Variants in MAGI2 observed in about 807,000 individuals in gnomAD.
MAGI2 encodes the protein membrane associated guanylate kinase, WW and PDZ domain containing 2.
Under a neutral mutation model 133.3 loss-of-function variants are expected in MAGI2, and 35 were observed. The observed-to-expected ratio is 0.26, with a 90% confidence interval of 0.20 to 0.35. The LOEUF is 0.35. MAGI2 is among the 10% of genes least tolerant of loss of function. The pLI is 1.00. For missense variants in MAGI2, 1,636 were observed against 1,863.4 expected (o/e 0.88, Z 2.25); for synonymous variants, 729 against 710.6 (o/e 1.03, Z -0.41).
chr7:78,832,784 C>A (rs367725796), intron 2 of MAGI2, among the ~76,000 whole-genome samples: 1 of 152,150 alleles, frequency 6.6e-6, no homozygotes, highest in African/African-American at 2.4e-5. Context: ...ACTGCCAGAA[C>A]GAGCCAACAG....
chr7:78,629,618 T>TA (rs372968803), intron 2 of MAGI2, among the ~76,000 whole-genome samples: 48 of 152,106 alleles, frequency 3.2e-4, no homozygotes, highest in African/African-American at 8.7e-4. Flanking sequence ...GCAGTTGCTA[T>TA]AAAAAAACAA....
At chr7:78,149,778 GT>G (rs1321696096) in intron 16 of MAGI2, among the ~76,000 whole-genome samples, 2 of 152,126 alleles carry the variant, frequency 1.3e-5, no homozygotes. Flanking sequence ...ATAACAGAAG[GT>G]TTTAGGCACT....
At chr7:78,274,408 A>G (rs1259087875) in intron 9 of MAGI2, among the ~76,000 whole-genome samples, 3 of 152,176 alleles carry the variant, frequency 2.0e-5, no homozygotes, top group African/African-American at 7.2e-5. Flanking sequence ...GTCAGGATAC[A>G]CAGGGGTCAG....
At chr7:78,364,771 A>C (rs1040228340) in intron 7 of MAGI2, among the ~76,000 whole-genome samples, 9 of 152,344 alleles carry the variant, frequency 5.9e-5, no homozygotes, top group Admixed American at 3.9e-4. Context: ...AGAGAGAACC[A>C]CATTTGTACA....
At chr7:78,901,432 T>C (rs1164243543) in intron 2 of MAGI2, 1 of 152,216 alleles carries the variant, frequency 6.6e-6, no homozygotes, top group African/African-American at 2.4e-5. Flanking sequence ...GCTAAGAAGT[T>C]TGGAAATAGA....
intron 2 of MAGI2, among the ~76,000 whole-genome samples, chr7:78,876,424 A>G (rs1161557489): frequency 1.3e-5 from 2 of 152,090 alleles, no homozygotes; most frequent in Non-Finnish European, 2.9e-5. Context: ...AGACAAAATA[A>G]TCATTTGAGA....
At chr7:78,940,323 A>G (rs778321451) in intron 2 of MAGI2, 11 of 152,212 alleles carry the variant, frequency 7.2e-5, no homozygotes, top group Admixed American at 1.3e-4. Flanking sequence ...TCATGGATTA[A>G]AAAATACACA....
rs10526268 is a variant in MAGI2 at position 78,903,172 on chromosome 7, C to CT, written c.418+103917dup. 9.4e-3 allele frequency among the ~76,000 whole-genome samples: 527 copies of CT among 56,120 alleles called. 158 individuals are homozygous for CT. The highest frequency in any genetic ancestry group is 0.023 in the East Asian group (34 of 1,452). The allele number at this position is 56,120 out of a possible 152,430, so 36.8% of individuals were successfully genotyped here. On this transcript the variant is annotated intron_variant, in intron 2 of 21. Transcript: ENST00000354212. Reference sequence around the variant, plus strand: ...TTCATGCAAGTGGGAGTTCCTGAATCTTTTTTTTTTTTTTTTTTTTTTTTT... The same window carrying CT: ...TTCATGCAAGTGGGAGTTCCTGAATCTTTTTTTTTTTTTTTTTTTTTTTTTT...
At chr7:79,245,889 G>T (rs112761119) in intron 1 of MAGI2, among the ~76,000 whole-genome samples, 5,618 of 152,160 alleles carry the variant, frequency 0.037, 162 homozygotes, top group African/African-American at 0.072. Context: ...GAGGAGTGCT[G>T]GAGTCACCCT....
chr7:78,516,797 G>T (rs1796081041), intron 4 of MAGI2, among the ~76,000 whole-genome samples: 1 of 152,196 alleles, frequency 6.6e-6, no homozygotes, highest in African/African-American at 2.4e-5. Flanking sequence ...ATGGTGCAGT[G>T]ATATTTCGAA....
chr7:78,573,345 T>G (rs192580876), intron 3 of MAGI2, among the ~76,000 whole-genome samples: 2,445 of 64,968 alleles, frequency 0.038, 120 homozygotes, highest in African/African-American at 0.038. Context: ...TATATATATA[T>G]AGAGAGAGAG....
chr7:78,827,246 C>A (rs1790745609), intron 2 of MAGI2, among the ~76,000 whole-genome samples: 1 of 151,946 alleles, frequency 6.6e-6, no homozygotes, highest in Non-Finnish European at 1.5e-5. Context: ...TAAAAGGAAC[C>A]AGGACTCCTT....
At chr7:79,437,943 G>A (rs2129193498) in intron 1 of MAGI2, among the ~76,000 whole-genome samples, 1 of 152,136 alleles carries the variant, frequency 6.6e-6, no homozygotes, top group South Asian at 2.1e-4. Flanking sequence ...TATTATTATA[G>A]ATGTATGTCC....
chr7:78,528,232 T>C (rs1037950902), intron 3 of MAGI2, among the ~76,000 whole-genome samples: 1 of 152,196 alleles, frequency 6.6e-6, no homozygotes, highest in Non-Finnish European at 1.5e-5. Context: ...TTGGCCTCTT[T>C]AATAGCACCT....
chr7:79,135,970 A>AGAAG (rs1821378397), intron 1 of MAGI2, among the ~76,000 whole-genome samples: 2 of 30,070 alleles, frequency 6.7e-5, no homozygotes, highest in South Asian at 1.3e-3. Flanking sequence ...AAAGAAAGAA[A>AGAAG]GAAAGAAAGA....
At chr7:78,451,483 G>A (rs746904154) in intron 6 of MAGI2, among the ~76,000 whole-genome samples, 20 of 152,058 alleles carry the variant, frequency 1.3e-4, no homozygotes, top group Admixed American at 4.6e-4. Context: ...AGAGCTTCCC[G>A]TGAGAATGAC....
At chr7:78,389,747 G>A (rs1396424183) in intron 6 of MAGI2, among the ~76,000 whole-genome samples, 3 of 152,146 alleles carry the variant, frequency 2.0e-5, no homozygotes, top group Non-Finnish European at 4.4e-5. Flanking sequence ...GGGTAGAGGA[G>A]AGAAGAAAAA....
At chr7:78,769,720 G>A (rs189671777) in intron 2 of MAGI2, among the ~76,000 whole-genome samples, 3 of 152,250 alleles carry the variant, frequency 2.0e-5, no homozygotes, top group Admixed American at 1.3e-4. Flanking sequence ...CTGCCAGAGC[G>A]CATCTTAATT....
chr7:78,147,080 C>G (rs1208195892), intron 16 of MAGI2, among the ~76,000 whole-genome samples: 1 of 152,180 alleles, frequency 6.6e-6, no homozygotes, highest in East Asian at 1.9e-4. Flanking sequence ...CAGAAGATTA[C>G]ATGAATATTT....
Sources: allele counts gnomAD v4.1 joint callset (sites outside exome capture counted in the v4.1 genomes callset), GRCh38; gene constraint gnomAD v4.1.1; transcripts MANE v1.5; gene names NCBI Gene and HGNC (gene_info 2026-07-23, HGNC 2026-07-21).